The following TRPM3 variants were observed in gnomAD, a reference collection of about 807,000 sequenced individuals.
TRPM3 encodes long transient receptor potential channel 3.
TRPM3 carries 77 observed loss-of-function variants against 181.2 expected under a neutral mutation model. The observed-to-expected ratio is 0.42, with a 90% CI of 0.35 to 0.51. The LOEUF (loss-of-function observed/expected upper bound fraction) is 0.51. Ranked by LOEUF, TRPM3 falls within the 20% of genes least tolerant of loss-of-function variation. The pLI is 0.01. For synonymous variants in TRPM3, 745 were observed against 796.4 expected, an observed-to-expected ratio of 0.94 and a Z score of 1.09; for missense variants, 1,759 against 2,196.7, an observed-to-expected ratio of 0.80 and a Z score of 3.98.
At chr9:71,444,837 A>T (rs1185438431) in intron 1 of TRPM3, among the ~76,000 whole-genome samples, 1 of 152,256 alleles carries the variant, frequency 6.6e-6, no homozygotes, top group African/African-American at 2.4e-5. Context: ...TGTTTAAAAC[A>T]CTGATAATTA....
At chr9:70,951,470 T>C (rs1246035309) in intron 1 of TRPM3, among the ~76,000 whole-genome samples, 1 of 152,176 alleles carries the variant, frequency 6.6e-6, no homozygotes, top group Non-Finnish European at 1.5e-5. Flanking sequence ...GCCTCCCAAG[T>C]AGCTGGGACT....
At chr9:71,348,068 T>A (rs953223944) in intron 1 of TRPM3, among the ~76,000 whole-genome samples, 2 of 152,096 alleles carry the variant, frequency 1.3e-5, no homozygotes, top group African/African-American at 2.4e-5. Context: ...ATAAAAAAAA[T>A]TGTTATTTTC....
chr9:70,759,235 C>G (rs1247640002), intron 8 of TRPM3, among the ~76,000 whole-genome samples: 1 of 152,180 alleles, frequency 6.6e-6, no homozygotes, highest in African/African-American at 2.4e-5. Flanking sequence ...TGGAAAAAAG[C>G]TCATCATCAC....
chr9:70,574,094 A>G lies in TRPM3; in HGVS notation c.3223+16937T>C, dbSNP rs552231099. Among the ~76,000 whole-genome samples, 738 of 148,348 alleles carry G rather than the reference A, an allele frequency of 5.0e-3. 4 individuals are homozygous for G. The highest frequency in any genetic ancestry group is 0.01 in the African/African-American group (415 of 40,310). Reference sequence around the variant, plus strand: ...ATGTCAGACACACACACGCGCGCGCACACACACACACACACACTACTAACA... The same window carrying G: ...ATGTCAGACACACACACGCGCGCGCGCACACACACACACACACTACTAACA... On this transcript the variant is annotated intron_variant, in intron 22 of 25. Transcript: ENST00000677713.
intron 1 of TRPM3, among the ~76,000 whole-genome samples, chr9:71,032,033 A>AG (rs1554806773): frequency 1.0e-3 from 1 of 1,004 alleles, no homozygotes; most frequent in African/African-American, 3.5e-3. Context: ...ATATAATATA[A>AG]ATATATATAT....
At chr9:70,599,771 C>A (rs1317061707) in intron 20 of TRPM3, among the ~76,000 whole-genome samples, 1 of 152,084 alleles carries the variant, frequency 6.6e-6, no homozygotes, top group Non-Finnish European at 1.5e-5. Flanking sequence ...CAATACATTA[C>A]CCTATTTATT....
At chr9:70,620,828 T>C (rs1407501695) in intron 15 of TRPM3, among the ~76,000 whole-genome samples, 2 of 151,954 alleles carry the variant, frequency 1.3e-5, no homozygotes, top group Non-Finnish European at 2.9e-5. Context: ...TCTGAAGTAG[T>C]TCTGGCCTTT....
chr9:71,244,495 G>C (rs2081920653), intron 1 of TRPM3, among the ~76,000 whole-genome samples: 1 of 152,070 alleles, frequency 6.6e-6, no homozygotes, highest in Non-Finnish European at 1.5e-5. Context: ...GTACATATTG[G>C]GGAAAATCCT....
intron 1 of TRPM3, among the ~76,000 whole-genome samples, chr9:71,368,141 C>T (rs1166145462): frequency 1.3e-5 from 2 of 151,778 alleles, no homozygotes; most frequent in African/African-American, 4.8e-5. Flanking sequence ...TTTAGATGTG[C>T]CACAGTGACC....
chr9:71,381,679 GA>G (rs2092804272), intron 1 of TRPM3, among the ~76,000 whole-genome samples: 3 of 152,120 alleles, frequency 2.0e-5, no homozygotes, highest in African/African-American at 7.2e-5. Context: ...TGACAGCTAA[GA>G]AAACTAAGGC....
At chr9:71,174,297 T>C (rs537586126) in intron 1 of TRPM3, among the ~76,000 whole-genome samples, 8 of 152,126 alleles carry the variant, frequency 5.3e-5, no homozygotes, top group African/African-American at 1.9e-4. Context: ...ATCCAAGCAA[T>C]TTGGGAGGCC....
intron 22 of TRPM3, among the ~76,000 whole-genome samples, chr9:70,590,344 C>A (rs1207872866): frequency 1.3e-5 from 2 of 152,116 alleles, no homozygotes; most frequent in African/African-American, 2.4e-5. Context: ...GGGCATGAAA[C>A]CTTGGGGGCT....
chr9:70,988,974 T>A (rs2097449189), intron 1 of TRPM3, among the ~76,000 whole-genome samples: 1 of 152,140 alleles, frequency 6.6e-6, no homozygotes, highest in Non-Finnish European at 1.5e-5. Flanking sequence ...GAGTTGAGCC[T>A]CCAGATGAGG....
At chr9:71,308,217 C>T (rs1588418236) in intron 1 of TRPM3, among the ~76,000 whole-genome samples, 1 of 151,926 alleles carries the variant, frequency 6.6e-6, no homozygotes, top group African/African-American at 2.4e-5. Context: ...CCCTGCCCTC[C>T]AAATCAATAA....
At chr9:71,302,801 G>C (rs1156395684) in intron 1 of TRPM3, among the ~76,000 whole-genome samples, 1 of 151,578 alleles carries the variant, frequency 6.6e-6, no homozygotes, top group South Asian at 2.1e-4. Flanking sequence ...AAGGAAGGAA[G>C]GAAGAAAGAA....
chr9:71,243,832 A>T lies in TRPM3; in HGVS notation c.183+202821T>A, dbSNP rs555876688. Among the ~76,000 whole-genome samples the T allele has an allele frequency of 6.6e-5, 10 of 152,340 alleles. No homozygotes were observed. In the South Asian group the frequency reaches 2.1e-3, roughly 32 times the overall value. On this transcript the variant is annotated intron_variant, in intron 1 of 24. Transcript: ENST00000357533. ...TTAAATATTCAAAAGTTATAAACAA[A>T]GCCAATGGGCTGTTATATAAAATAC...
intron 6 of TRPM3, among the ~76,000 whole-genome samples, chr9:70,816,447 C>T (rs2092697118): frequency 6.6e-6 from 1 of 152,228 alleles, no homozygotes; most frequent in Non-Finnish European, 1.5e-5. Context: ...AGGATGGCTG[C>T]TTTTATTCCC....
intron 1 of TRPM3, among the ~76,000 whole-genome samples, chr9:71,435,652 A>G (rs1211793715): frequency 1.3e-5 from 2 of 152,222 alleles, no homozygotes; most frequent in African/African-American, 2.4e-5. Flanking sequence ...TTTCTAGTGA[A>G]GCGTTAACAA....
intron 1 of TRPM3, among the ~76,000 whole-genome samples, chr9:71,156,777 C>T (rs1194301573): frequency 2.0e-5 from 3 of 149,928 alleles, no homozygotes; most frequent in African/African-American, 7.5e-5. Context: ...AAATATTACC[C>T]TCTTGAAAAT....
Sources: gnomAD v4.1 joint callset for allele counts (sites outside exome capture counted in the v4.1 genomes callset) on GRCh38, gnomAD v4.1.1 for gene constraint, MANE v1.5 for transcripts, NCBI Gene and HGNC (gene_info 2026-07-23, HGNC 2026-07-21) for gene names.